ECHDC1: variants seen among roughly 807,000 people sequenced by gnomAD.
The protein encoded by ECHDC1 is ethylmalonyl-CoA decarboxylase.
In ECHDC1, 29 loss-of-function variants were observed where a neutral mutation model predicts 29.7. That is an observed-to-expected ratio of 0.98 (90% CI 0.73 to 1.33). The LOEUF (loss-of-function observed/expected upper bound fraction) is 1.33, where lower values mean the gene tolerates loss of function less well. Ranked by LOEUF, ECHDC1 falls within the 40% of genes most tolerant of loss-of-function variation. The pLI is 0.00. For synonymous variants in ECHDC1, 126 were observed against 123.1 expected, an observed-to-expected ratio of 1.02 and a Z score of -0.15; for missense variants, 328 against 350.0, an observed-to-expected ratio of 0.94 and a Z score of 0.50.
chr6:127,325,238 C>T (rs1482273681), intron 3 of ECHDC1, among the ~76,000 whole-genome samples: 2 of 152,088 alleles, frequency 1.3e-5, no homozygotes, highest in Non-Finnish European at 2.9e-5. Context: ...GAATATCTAA[C>T]CAGCACTCTT....
At position 127,290,288 on chromosome 6, in the gene ECHDC1, A is replaced by G; in HGVS notation, c.498-11T>C. On this transcript the variant is annotated splice_polypyrimidine_tract_variant and intron_variant, in intron 5 of 5. Transcript: ENST00000454859. ...TCTGGAGTCATTAACCTGTAAAAGAAAAAAGAAAAGCTTAATTGTAACTCT... is the reference window on the plus strand; with the variant it reads ...TCTGGAGTCATTAACCTGTAAAAGAGAAAAGAAAAGCTTAATTGTAACTCT... 1.2e-6 allele frequency: 2 copies of G among 1,602,604 alleles called. No homozygotes were observed. Among genetic ancestry groups the G allele is most frequent in the Admixed American group, 1.7e-5 (1 of 57,346 alleles).
At chr6:127,336,735 G>A (rs1275028049) in intron 1 of ECHDC1, among the ~76,000 whole-genome samples, 5 of 151,948 alleles carry the variant, frequency 3.3e-5, no homozygotes, top group Admixed American at 6.6e-5. Context: ...TCAAGTCTAC[G>A]GAAAATGGAA....
intron 5 of ECHDC1, among the ~76,000 whole-genome samples, chr6:127,306,457 T>C (rs1226226772): frequency 4.6e-5 from 7 of 152,116 alleles, no homozygotes; most frequent in African/African-American, 1.2e-4. Context: ...GAGGAGGTGA[T>C]TGGATCATGG....
chr6:127,310,015 A>T (rs992837897), intron 5 of ECHDC1, among the ~76,000 whole-genome samples: 30 of 152,152 alleles, frequency 2.0e-4, no homozygotes, highest in African/African-American at 6.0e-4. Flanking sequence ...TTGGGTGGTG[A>T]CACAGAGCCA....
chr6:127,310,247 A>AT (rs1781796029), intron 5 of ECHDC1, among the ~76,000 whole-genome samples: 1 of 152,158 alleles, frequency 6.6e-6, no homozygotes, highest in Non-Finnish European at 1.5e-5. Context: ...GTATAATTGG[A>AT]TTTTTTGTAA....
chr6:127,330,554 A>G (rs1172350526), intron 2 of ECHDC1, among the ~76,000 whole-genome samples: 1 of 152,198 alleles, frequency 6.6e-6, no homozygotes, highest in African/African-American at 2.4e-5. Context: ...TATAATCAAG[A>G]TTAATTTAGA....
At chr6:127,305,399 G>A (rs935085838) in intron 5 of ECHDC1, among the ~76,000 whole-genome samples, 1 of 152,100 alleles carries the variant, frequency 6.6e-6, no homozygotes, top group African/African-American at 2.4e-5. Flanking sequence ...ATCAACACCA[G>A]ACCTGTCCTA....
intron 4 of ECHDC1, chr6:127,316,169 C>A: frequency 2.2e-6 from 1 of 464,124 alleles, no homozygotes; most frequent in South Asian, 1.8e-5. Context: ...TTAACTTTCC[C>A]AGTATCTATT....
rs1562314485 is a variant in ECHDC1, at chr6:127,309,478, AAAACACACACACACACAC to A, written c.497+5320_497+5337del. 2.5e-3 allele frequency among the ~76,000 whole-genome samples: 272 copies of A among 109,120 alleles called. 1 individual carries two copies. Among genetic ancestry groups the A allele is most frequent in the African/African-American group, 8.7e-3 (261 of 30,008 alleles). 71.6% of individuals were successfully genotyped at this position (109,120 alleles called of 152,430 possible). ...AGAAAAAACCCAGAAAACAAACAACAAAACACACACACACACACACACACACACACACACACACACACA... is the reference window on the plus strand; with the variant it reads ...AGAAAAAACCCAGAAAACAAACAACAACACACACACACACACACACACACA... On this transcript the variant is annotated intron_variant, in intron 5 of 5. Coordinates refer to ENST00000454859, the MANE Select transcript of ECHDC1 (RefSeq NM_001002030.2).
chr6:127,335,099 T>C (rs562710876), intron 1 of ECHDC1, among the ~76,000 whole-genome samples: 2 of 152,200 alleles, frequency 1.3e-5, no homozygotes, highest in African/African-American at 4.8e-5. Flanking sequence ...ATATCTAATA[T>C]GTGAGTTATA....
chr6:127,313,749 G>A (rs1412474907), intron 5 of ECHDC1, among the ~76,000 whole-genome samples: 1 of 152,166 alleles, frequency 6.6e-6, no homozygotes, highest in Non-Finnish European at 1.5e-5. Flanking sequence ...GAGTTTCAAA[G>A]TATGCCACAA....
chr6:127,310,340 T>A (rs1295776562), intron 5 of ECHDC1, among the ~76,000 whole-genome samples: 1 of 151,972 alleles, frequency 6.6e-6, no homozygotes, highest in Non-Finnish European at 1.5e-5. Flanking sequence ...TAGCAAAACA[T>A]CTCATGTACC....
At chr6:127,298,815 A>G (rs1429432760) in intron 5 of ECHDC1, among the ~76,000 whole-genome samples, 3 of 152,126 alleles carry the variant, frequency 2.0e-5, no homozygotes, top group Non-Finnish European at 2.9e-5. Context: ...ACAATTATGT[A>G]TGTTACATAA....
intron 3 of ECHDC1, among the ~76,000 whole-genome samples, chr6:127,317,716 T>C (rs1031092109): frequency 6.6e-6 from 1 of 152,196 alleles, no homozygotes; most frequent in African/African-American, 2.4e-5. Flanking sequence ...TGTTTGACTT[T>C]CCCGTTTCAC....
intron 5 of ECHDC1, among the ~76,000 whole-genome samples, chr6:127,295,645 C>T (rs1186541361): frequency 6.6e-6 from 1 of 152,182 alleles, no homozygotes; most frequent in Non-Finnish European, 1.5e-5. Context: ...CTCAAATAGA[C>T]ACTTATTTTC....
At chr6:127,322,428 A>G (rs1207382842) in intron 3 of ECHDC1, among the ~76,000 whole-genome samples, 2 of 152,220 alleles carry the variant, frequency 1.3e-5, no homozygotes, top group East Asian at 1.9e-4. Flanking sequence ...GTATACAGCA[A>G]CAAGTGACGA....
chr6:127,333,321 C>T (rs955085752), intron 1 of ECHDC1, among the ~76,000 whole-genome samples: 4 of 152,066 alleles, frequency 2.6e-5, no homozygotes, highest in African/African-American at 9.7e-5. Flanking sequence ...CTTGACTTTT[C>T]CCTTGGCTTA....
chr6:127,312,391 G>A (rs906053838), intron 5 of ECHDC1, among the ~76,000 whole-genome samples: 2 of 152,110 alleles, frequency 1.3e-5, no homozygotes, highest in East Asian at 1.9e-4. Context: ...GTTCCCACCC[G>A]TCAAATGGCT....
chr6:127,300,399 G>T (rs901057775), intron 5 of ECHDC1, among the ~76,000 whole-genome samples: 4 of 152,194 alleles, frequency 2.6e-5, no homozygotes, highest in Non-Finnish European at 5.9e-5. Flanking sequence ...GACTGCAGAT[G>T]TAACTAAAGT....
Sources: gnomAD v4.1 joint callset for allele counts (sites outside exome capture counted in the v4.1 genomes callset) on GRCh38, gnomAD v4.1.1 for gene constraint, MANE v1.5 for transcripts, NCBI Gene and HGNC (gene_info 2026-07-23, HGNC 2026-07-21) for gene names.